The following TYR variants were observed in gnomAD, a reference collection of about 807,000 sequenced individuals.
TYR encodes tyrosinase, also known as LB24-AB.
TYR carries 58 observed loss-of-function variants against 51.5 expected under a neutral mutation model. The observed-to-expected ratio is 1.13, with a 90% CI of 0.91 to 1.40. The LOEUF (loss-of-function observed/expected upper bound fraction) is 1.40, where lower values mean the gene tolerates loss of function less well. Ranked by LOEUF, TYR falls within the 40% of genes most tolerant of loss-of-function variation. The probability of loss-of-function intolerance (pLI) is 0.00; values close to 1 mark genes in which losing one functional copy is unlikely to be tolerated. For synonymous variants in TYR, 263 were observed against 235.2 expected (o/e 1.12, Z -1.08); for missense variants, 732 against 647.4 (o/e 1.13, Z -1.42).
intron 3 of TYR, among the ~76,000 whole-genome samples, chr11:89,274,531 C>G (rs1377977806): frequency 2.6e-5 from 4 of 151,838 alleles, no homozygotes; most frequent in African/African-American, 9.7e-5. Flanking sequence ...AAGTACTGCC[C>G]TTAGAGTACC....
At chr11:89,184,401 A>T (rs1199236968) in intron 1 of TYR, among the ~76,000 whole-genome samples, 2 of 152,160 alleles carry the variant, frequency 1.3e-5, no homozygotes, top group Non-Finnish European at 2.9e-5. Context: ...TTATAAAAGC[A>T]TCCAACATAT....
intron 3 of TYR, among the ~76,000 whole-genome samples, chr11:89,230,973 C>A (rs1486725907): frequency 1.3e-5 from 2 of 150,752 alleles, no homozygotes; most frequent in Admixed American, 1.3e-4. Flanking sequence ...GAGTTTGACA[C>A]CAGCCTGGCC....
chr11:89,249,830 A>C (rs1250698506), intron 3 of TYR, among the ~76,000 whole-genome samples: 1 of 152,048 alleles, frequency 6.6e-6, no homozygotes, highest in African/African-American at 2.4e-5. Flanking sequence ...AGAAAAAGGA[A>C]AAAATTGCCA....
chr11:89,221,553 T>C (rs564054191), intron 2 of TYR, among the ~76,000 whole-genome samples: 1 of 152,308 alleles, frequency 6.6e-6, no homozygotes, highest in East Asian at 1.9e-4. Flanking sequence ...CTTCTGTAAG[T>C]AGTTTAAATT....
In TYR at chr11:89,178,425, C is replaced by T. The variant is rs201700612; in HGVS notation, c.472C>T (p.Gln158Ter). 1.2e-6 allele frequency: 2 copies of T among 1,614,072 alleles called. No individual in the cohort carries two copies. The highest frequency in any genetic ancestry group is 1.7e-6 in the Non-Finnish European group (2 of 1,179,990). Reference sequence around the variant, plus strand: ...TGTCATCCCCATAGGGACCTATGGCCAAATGAAAAATGGATCAACACCCAT... The same window carrying T: ...TGTCATCCCCATAGGGACCTATGGCTAAATGAAAAATGGATCAACACCCAT... Reference protein sequence around the residue: ...DYVIPIGTYGQMKNGSTPMFN... With the variant: ...DYVIPIGTYG The change falls in exon 1 of 5, where the codon CAA becomes TAA. Residue 158 changes from glutamine to a stop codon, truncating the protein, a stop_gained. Transcript: ENST00000263321. LOFTEE classifies it high-confidence loss of function.
chr11:89,229,635 T>G (rs571852403), intron 3 of TYR, among the ~76,000 whole-genome samples: 1 of 152,120 alleles, frequency 6.6e-6, no homozygotes, highest in East Asian at 1.9e-4. Flanking sequence ...TGATCTGCCC[T>G]TATACACAGA....
intron 3 of TYR, among the ~76,000 whole-genome samples, chr11:89,245,005 T>C (rs1944246235): frequency 6.6e-6 from 1 of 152,220 alleles, no homozygotes; most frequent in South Asian, 2.1e-4. Flanking sequence ...AGTAGTCCTC[T>C]TTAACCCCTG....
intron 2 of TYR, among the ~76,000 whole-genome samples, chr11:89,208,353 A>C (rs1943701638): frequency 2.6e-5 from 4 of 152,184 alleles, no homozygotes; most frequent in Admixed American, 2.6e-4. Flanking sequence ...AGATGAGATA[A>C]AAGACGTATT....
rs1944896013 is a variant in TYR at position 89,295,284 on chromosome 11, A to G, written c.1508A>G (p.Lys503Arg). The G allele has an allele frequency of 5.0e-6, 8 of 1,613,830 alleles. No homozygotes were observed. Among genetic ancestry groups the G allele is most frequent in the Non-Finnish European group, 6.8e-6 (8 of 1,179,818 alleles). The change falls in exon 5 of 5, where the codon AAG becomes AGG. Residue 503 changes from lysine to arginine, a missense_variant. Transcript: ENST00000263321. Reference sequence around the variant, plus strand: ...CTTGTGAGCTTGCTGTGTCGTCACAAGAGAAAGCAGCTTCCTGAAGAAAAG... The same window carrying G: ...CTTGTGAGCTTGCTGTGTCGTCACAGGAGAAAGCAGCTTCCTGAAGAAAAG... The part of the protein sequence containing the change: ...AGLVSLLCRH[K>R]RKQLPEEKQP...
At chr11:89,243,035 A>G (rs1185334816) in intron 3 of TYR, among the ~76,000 whole-genome samples, 1 of 152,210 alleles carries the variant, frequency 6.6e-6, no homozygotes, top group African/African-American at 2.4e-5. Context: ...GTGATACTGA[A>G]TAATAAGATG....
At chr11:89,226,749 T>C (rs1343228881) in intron 2 of TYR, among the ~76,000 whole-genome samples, 1 of 152,124 alleles carries the variant, frequency 6.6e-6, no homozygotes, top group Non-Finnish European at 1.5e-5. Context: ...TTTTTCACTG[T>C]TTCTGTTGTA....
intron 3 of TYR, among the ~76,000 whole-genome samples, chr11:89,281,318 T>G (rs866022031): frequency 6.6e-6 from 1 of 151,710 alleles, no homozygotes; most frequent in Admixed American, 6.6e-5. Flanking sequence ...AGGGCTTTGA[T>G]ATGGAGAATG....
chr11:89,249,907 A>G (rs1272118375), intron 3 of TYR, among the ~76,000 whole-genome samples: 2 of 152,016 alleles, frequency 1.3e-5, no homozygotes, highest in East Asian at 3.9e-4. Flanking sequence ...ATGAGTTGGA[A>G]GGAAGCTTCC....
intron 1 of TYR, among the ~76,000 whole-genome samples, chr11:89,180,157 T>C (rs1333566352): frequency 6.6e-6 from 1 of 152,200 alleles, no homozygotes; most frequent in Non-Finnish European, 1.5e-5. Flanking sequence ...AGAAAAAATG[T>C]GCTTGGAAAA....
At chr11:89,271,238 A>T (rs554968513) in intron 3 of TYR, among the ~76,000 whole-genome samples, 8 of 151,910 alleles carry the variant, frequency 5.3e-5, no homozygotes, top group Non-Finnish European at 7.4e-5. Context: ...TGTAGTAAGT[A>T]CTATTACCTA....
intron 2 of TYR, among the ~76,000 whole-genome samples, chr11:89,225,861 C>T (rs1943969412): frequency 1.3e-5 from 2 of 151,576 alleles, no homozygotes; most frequent in Non-Finnish European, 3.0e-5. Flanking sequence ...GTAAGATTCC[C>T]AACACAAAGA....
intron 3 of TYR, among the ~76,000 whole-genome samples, chr11:89,271,044 C>T (rs1944582283): frequency 2.6e-5 from 4 of 151,820 alleles, no homozygotes; most frequent in Admixed American, 2.6e-4. Flanking sequence ...TTGAGCTAAT[C>T]TTAAAGGGGC....
chr11:89,185,544 G>A (rs769814571), intron 1 of TYR, among the ~76,000 whole-genome samples: 4 of 152,258 alleles, frequency 2.6e-5, no homozygotes, highest in South Asian at 4.1e-4. Context: ...TCTTCATGAA[G>A]GATGCGTTTT....
intron 2 of TYR, among the ~76,000 whole-genome samples, chr11:89,212,603 C>T (rs569575688): frequency 6.6e-6 from 1 of 152,238 alleles, no homozygotes; most frequent in Admixed American, 6.5e-5. Context: ...CAGCATCATC[C>T]TCATACCAAA....
Sources: gnomAD v4.1 joint callset for allele counts (sites outside exome capture counted in the v4.1 genomes callset) on GRCh38, gnomAD v4.1.1 for gene constraint, MANE v1.5 for transcripts, NCBI Gene and HGNC (gene_info 2026-07-23, HGNC 2026-07-21) for gene names.